CUX1: variants seen among roughly 807,000 people sequenced by gnomAD.
CUX1 encodes the protein protein CASP.
A neutral mutation model predicts 158.8 loss-of-function variants in CUX1; 31 were observed. The ratio of observed to expected loss-of-function variants is 0.20; its 90% CI spans 0.15 to 0.26. CUX1 has a LOEUF of 0.26. Ranked by LOEUF, CUX1 falls within the 10% of genes least tolerant of loss-of-function variation. The pLI is 1.00. For missense variants in CUX1, 1,589 were observed against 2,014.6 expected (o/e 0.79, Z 4.04); for synonymous variants, 879 against 862.1 (o/e 1.02, Z -0.34).
At chr7:102,272,884 G>A (rs1445559202) in intron 14 of CUX1, among the ~76,000 whole-genome samples, 3 of 152,110 alleles carry the variant, frequency 2.0e-5, no homozygotes, top group South Asian at 2.1e-4. Flanking sequence ...ACCCCTACGC[G>A]CCCCACTGCA....
At chr7:102,198,428 A>G (rs1306770378) in intron 15 of CUX1, among the ~76,000 whole-genome samples, 1 of 152,268 alleles carries the variant, frequency 6.6e-6, no homozygotes, top group African/African-American at 2.4e-5. Flanking sequence ...ATTTGCACCA[A>G]GAAAATGCAG....
At chr7:102,008,187 C>T (rs1483622116) in intron 2 of CUX1, among the ~76,000 whole-genome samples, 5 of 152,224 alleles carry the variant, frequency 3.3e-5, no homozygotes, top group African/African-American at 9.6e-5. Context: ...TGGTGGCCGT[C>T]CACCCGCCTC....
At chr7:102,000,146 G>A (rs1479355323) in intron 2 of CUX1, among the ~76,000 whole-genome samples, 2 of 152,108 alleles carry the variant, frequency 1.3e-5, no homozygotes, top group African/African-American at 4.8e-5. Flanking sequence ...AATCCGGGCG[G>A]CGGAGGTTGT....
chr7:101,825,790 T>TGTGTGTGTGC (rs56993544), intron 1 of CUX1, among the ~76,000 whole-genome samples: 2 of 103,816 alleles, frequency 1.9e-5, no homozygotes, highest in African/African-American at 8.9e-5. Context: ...TGTGTGTGTG[T>TGTGTGTGTGC]GTGTGTGTGC....
At chr7:101,840,234 T>G (rs970438731) in intron 1 of CUX1, among the ~76,000 whole-genome samples, 3 of 152,168 alleles carry the variant, frequency 2.0e-5, no homozygotes, top group Admixed American at 1.3e-4. Flanking sequence ...ATAATGCAAG[T>G]TTTTATTTGT....
At chr7:102,051,418 C>T (rs533583068) in intron 3 of CUX1, among the ~76,000 whole-genome samples, 9 of 151,790 alleles carry the variant, frequency 5.9e-5, no homozygotes, top group Non-Finnish European at 8.8e-5. Flanking sequence ...GAGACTGACG[C>T]GGGCGTATCA....
chr7:101,974,231 C>CA (rs1030701721), intron 2 of CUX1, among the ~76,000 whole-genome samples: 1 of 151,990 alleles, frequency 6.6e-6, no homozygotes, highest in Admixed American at 6.6e-5. Context: ...GAATCAGACC[C>CA]AAAAAGAACA....
At chr7:101,834,902 A>G (rs1436806025) in intron 1 of CUX1, among the ~76,000 whole-genome samples, 1 of 152,064 alleles carries the variant, frequency 6.6e-6, no homozygotes, top group Non-Finnish European at 1.5e-5. Context: ...AGGCTGAGGC[A>G]GGAGAATCTC....
intron 2 of CUX1, among the ~76,000 whole-genome samples, chr7:101,953,852 C>T (rs190462363): frequency 3.6e-4 from 55 of 152,030 alleles, no homozygotes; most frequent in African/African-American, 7.7e-4. Flanking sequence ...TCACTTCTCA[C>T]GTTGTGATGT....
chr7:101,918,444 A>C (rs921757420), intron 2 of CUX1, among the ~76,000 whole-genome samples: 7 of 152,210 alleles, frequency 4.6e-5, no homozygotes, highest in Non-Finnish European at 1.0e-4. Context: ...CTCTGTCTTC[A>C]TGGAGAAAGG....
intron 1 of CUX1, among the ~76,000 whole-genome samples, chr7:101,833,173 A>G (rs1271846885): frequency 3.3e-5 from 5 of 152,012 alleles, no homozygotes; most frequent in Admixed American, 1.3e-4. Flanking sequence ...CTGAGGCAGG[A>G]GGATCACTTG....
intron 1 of CUX1, among the ~76,000 whole-genome samples, chr7:101,904,360 T>A (rs1163152287): frequency 6.6e-6 from 1 of 152,110 alleles, no homozygotes; most frequent in African/African-American, 2.4e-5. Flanking sequence ...TCTGTCCCTT[T>A]TTACCCCTAC....
intron 11 of CUX1, among the ~76,000 whole-genome samples, chr7:102,188,428 A>T (rs1554515916): frequency 1.3e-5 from 2 of 152,096 alleles, no homozygotes; most frequent in East Asian, 3.9e-4. Context: ...GTCCAAAAAC[A>T]CCTTCAGAGA....
At chr7:102,080,628 G>A (rs1330540338) in intron 4 of CUX1, among the ~76,000 whole-genome samples, 2 of 152,092 alleles carry the variant, frequency 1.3e-5, no homozygotes, top group Non-Finnish European at 2.9e-5. Flanking sequence ...CAACCTACAA[G>A]AAAAGCAGTT....
At chr7:102,030,100 C>T (rs1200967522) in intron 3 of CUX1, among the ~76,000 whole-genome samples, 1 of 152,076 alleles carries the variant, frequency 6.6e-6, no homozygotes, top group African/African-American at 2.4e-5. Context: ...CAACCTCCGC[C>T]TCCTGGATTT....
At chr7:101,816,475 G>A (rs1239528285), upstream of CUX1, among the ~76,000 whole-genome samples, 5 of 140,618 alleles carry the variant, frequency 3.6e-5, no homozygotes, top group Non-Finnish European at 6.3e-5. Flanking sequence ...GGCCCCGGCG[G>A]CCCGCGGGGT....
intron 2 of CUX1, among the ~76,000 whole-genome samples, chr7:102,011,672 C>T (rs1344612056): frequency 2.0e-5 from 3 of 151,838 alleles, no homozygotes; most frequent in Non-Finnish European, 4.4e-5. Context: ...TGAGCCACCG[C>T]GCCTGGCCTT....
intron 1 of CUX1, among the ~76,000 whole-genome samples, chr7:101,853,761 TC>T (rs1796522956): frequency 6.6e-6 from 1 of 152,186 alleles, no homozygotes; most frequent in Non-Finnish European, 1.5e-5. Flanking sequence ...CCCTCAGTGT[TC>T]CTGCTGGGTG....
intron 2 of CUX1, among the ~76,000 whole-genome samples, chr7:101,981,482 C>A (rs1013951780): frequency 2.0e-5 from 3 of 152,122 alleles, no homozygotes; most frequent in Non-Finnish European, 4.4e-5. Flanking sequence ...GAGTGGCCAG[C>A]CATTCCCAGG....
Sources: gnomAD v4.1 joint callset for allele counts (sites outside exome capture counted in the v4.1 genomes callset) on GRCh38, gnomAD v4.1.1 for gene constraint, MANE v1.5 for transcripts, NCBI Gene and HGNC (gene_info 2026-07-23, HGNC 2026-07-21) for gene names.